Variants in KPNB1 observed in about 807,000 individuals in gnomAD.
KPNB1 encodes karyopherin subunit beta 1, also known as importin subunit beta-1.
A neutral mutation model predicts 113.0 loss-of-function variants in KPNB1; 7 were observed. The observed-to-expected ratio is 0.06, with a 90% CI of 0.04 to 0.12. The LOEUF (loss-of-function observed/expected upper bound fraction) is 0.12. Among genes scored for constraint, KPNB1 ranks in the 10% least tolerant of loss-of-function variants. The pLI is 1.00. For synonymous variants in KPNB1, 363 were observed against 378.6 expected, an observed-to-expected ratio of 0.96 and a Z score of 0.48; for missense variants, 400 against 1,054.8, an observed-to-expected ratio of 0.38 and a Z score of 8.60.
At chr17:47,671,867 A>C (rs531189804) in intron 12 of KPNB1, 1 of 152,234 alleles carries the variant, frequency 6.6e-6, no homozygotes, top group African/African-American at 2.4e-5. Flanking sequence ...CTTGGGGTAA[A>C]TACAGTTGAC....
chr17:47,652,214 G>T (rs1231735016), intron 2 of KPNB1, among the ~76,000 whole-genome samples: 1 of 152,122 alleles, frequency 6.6e-6, no homozygotes. Flanking sequence ...TGGAAAGTTG[G>T]ATCATTCTTT....
In KPNB1 at chr17:47,683,126, CACAG is replaced by C. The variant is rs1477506052; in HGVS notation, c.*724_*727del. ...AAAAAAAAAAAAAAAAAAACACACA[CACAG>C]AGGAAAGACGCTCTTTAGGTTTTGT... On this transcript the variant is annotated 3_prime_UTR_variant, in exon 22 of 22. Coordinates refer to ENST00000290158, the MANE Select transcript of KPNB1 (RefSeq NM_002265.6). 1 of 107,962 alleles carries C rather than the reference CACAG, an allele frequency of 9.3e-6. No individual in the cohort carries two copies. Among genetic ancestry groups the C allele is most frequent in the Non-Finnish European group, 1.9e-5 (1 of 52,482 alleles). The allele number at this position is 107,962 out of a possible 1,614,324, so 6.7% of individuals were successfully genotyped here.
intron 9 of KPNB1, among the ~76,000 whole-genome samples, chr17:47,667,724 A>C (rs896852842): frequency 2.7e-5 from 4 of 150,434 alleles, no homozygotes; most frequent in African/African-American, 9.8e-5. Context: ...CACCCAGCTA[A>C]TTTTTGTATT....
At chr17:47,657,936 G>A (rs2029957774) in intron 4 of KPNB1, among the ~76,000 whole-genome samples, 1 of 152,180 alleles carries the variant, frequency 6.6e-6, no homozygotes, top group Non-Finnish European at 1.5e-5. Flanking sequence ...TGCCAATTAA[G>A]CCAGGCACAG....
chr17:47,651,531 C>T (rs1425939217), intron 2 of KPNB1, among the ~76,000 whole-genome samples: 3 of 152,200 alleles, frequency 2.0e-5, no homozygotes, highest in Admixed American at 6.5e-5. Context: ...ATTTTTACAA[C>T]TAACCTGTTT....
Position 47,683,108 on chromosome 17 carries a change from A to AAAAAAAAAC in KPNB1, c.*712_*713insCAAAAAAAA, listed in dbSNP as rs2030837231. 6.8e-6 allele frequency: 1 copy of AAAAAAAAAC among 147,584 alleles called. No individual in the cohort carries two copies. The allele number at this position is 147,584 out of a possible 1,614,324, so 9.1% of individuals were successfully genotyped here. ...AGAGATGTAAAAAAAAAAAAAAAAA[A>AAAAAAAAAC]AAAAAAAAAAACACACACACAGAGG... On this transcript the variant is annotated 3_prime_UTR_variant, in exon 22 of 22. Transcript: ENST00000290158.
intron 6 of KPNB1, chr17:47,662,112 A>G (rs2030119433): frequency 1.3e-5 from 2 of 152,190 alleles, no homozygotes; most frequent in South Asian, 4.1e-4. Flanking sequence ...TTTAATGCAA[A>G]AAAAAAGACT....
chr17:47,659,147 G>T (rs2030007975), intron 5 of KPNB1, among the ~76,000 whole-genome samples: 2 of 152,074 alleles, frequency 1.3e-5, no homozygotes, highest in Admixed American at 1.3e-4. Flanking sequence ...AGGAGTTTGA[G>T]ACCAGCCTGA....
At chr17:47,673,658 T>C in intron 14 of KPNB1, 97 bp downstream of exon 14, 4 of 922,970 alleles carry the variant, frequency 4.3e-6, no homozygotes, top group Non-Finnish European at 7.1e-6. Flanking sequence ...GAAAATGGTA[T>C]AGATGATGCG....
rs768003079 is a variant in KPNB1 at position 47,676,452 on chromosome 17, C to G, written c.1956C>G (p.Pro652=). 1 of 1,613,544 alleles carries G rather than the reference C, an allele frequency of 6.2e-7. No homozygotes were observed. The highest frequency in any genetic ancestry group is 8.5e-7 in the Non-Finnish European group (1 of 1,179,626). ...TCAAGTACATGGAGGCCTTTAAACC[C>G]TTCCTGGGCATTGGATTAAAAAATT... ...EFLKYMEAFK[P]FLGIGLKNYA... Residue 652 remains proline, a synonymous_variant, in exon 16 of 22, where the codon CCC becomes CCG. Coordinates refer to ENST00000290158, the MANE Select transcript of KPNB1 (RefSeq NM_002265.6).
In KPNB1 at chr17:47,668,249, C is replaced by G; in HGVS notation, c.1063C>G (p.Leu355Val). 1 of 1,614,156 alleles carries G rather than the reference C, an allele frequency of 6.2e-7. No individual in the cohort carries two copies. The highest frequency in any genetic ancestry group is 8.5e-7 in the Non-Finnish European group (1 of 1,180,034). Residue 355 changes from leucine to valine, a missense_variant, in exon 10 of 22, where the codon CTG becomes GTG. Around this residue, in one of 2 missense-constraint regions of KPNB1, gnomAD observed 285 missense variants for 627.0 expected, o/e 0.45. Transcript: ENST00000290158. ...AGCAGCAGGGGTGTGCCTCATGCTT[C>G]TGGCCACCTGCTGTGAAGATGACAT... The part of the protein sequence containing the change: ...CKAAGVCLML[L>V]ATCCEDDIVP...
Position 47,669,684 on chromosome 17 carries a change from C to T in KPNB1, c.1231C>T (p.Pro411Ser), listed in dbSNP as rs1937893310. ...ATAACTGTTATATTTTCAGGCTATG[C>T]CCACCCTAATAGAATTAATGAAAGA... ...QLKPLVIQAMPTLIELMKDPS... is the reference protein window; with the variant it reads ...QLKPLVIQAMSTLIELMKDPS... Residue 411 changes from proline to serine, a missense_variant, in exon 11 of 22, where the codon CCC becomes TCC. Physicochemically the swap from Pro to Ser is moderately conservative, Grantham distance 74. This residue lies in a region of KPNB1 where 285 missense variants were observed against 627.0 expected (regional missense o/e 0.45). Transcript: ENST00000290158. The T allele has an allele frequency of 3.1e-6, 5 of 1,590,050 alleles. No homozygotes were observed. The highest frequency in any genetic ancestry group is 1.3e-5 in the African/African-American group (1 of 74,532).
Position 47,674,720 on chromosome 17 carries a change from G to A in KPNB1, c.1850G>A (p.Ser617Asn). The change falls in exon 15 of 22, where the codon AGC becomes AAC. Residue 617 changes from serine (S) to asparagine (N), a missense_variant. Ser to Asn is a conservative substitution (Grantham distance 46). This residue lies in a region of KPNB1 where 115 missense variants were observed against 427.9 expected (regional missense o/e 0.27). Coordinates refer to ENST00000290158, the MANE Select transcript of KPNB1 (RefSeq NM_002265.6). ...GCCTCCCTGTTAAGGATGTTCCAAA[G>A]CACAGCTGGGTCTGGGGGAGTACAA... is the stretch of plus-strand genomic sequence containing the variant. Reference protein sequence around the residue: ...VMASLLRMFQSTAGSGGVQED... With the variant: ...VMASLLRMFQNTAGSGGVQED... 1.2e-6 allele frequency: 2 copies of A among 1,614,224 alleles called. No homozygotes were observed.
intron 2 of KPNB1, among the ~76,000 whole-genome samples, chr17:47,652,385 C>T (rs1413350726): frequency 2.6e-5 from 4 of 152,134 alleles, no homozygotes; most frequent in African/African-American, 9.7e-5. Flanking sequence ...ACTCTGAAAC[C>T]TTGCAATTCG....
intron 3 of KPNB1, among the ~76,000 whole-genome samples, chr17:47,654,470 C>T (rs1015525389): frequency 2.0e-5 from 3 of 151,382 alleles, no homozygotes; most frequent in Non-Finnish European, 4.4e-5. Flanking sequence ...GTTAAGCCCT[C>T]GGGCATGAGA....
chr17:47,672,571 A>G (rs1330067985), intron 12 of KPNB1, among the ~76,000 whole-genome samples: 1 of 151,938 alleles, frequency 6.6e-6, no homozygotes, highest in Non-Finnish European at 1.5e-5. Flanking sequence ...TTATATTTTT[A>G]GTAGAGGTGG....
intron 14 of KPNB1, among the ~76,000 whole-genome samples, chr17:47,674,253 CTT>C (rs1191643278): frequency 6.6e-6 from 1 of 152,094 alleles, no homozygotes; most frequent in African/African-American, 2.4e-5. Context: ...GGAAGGGTTG[CTT>C]TTTGTTTGTT....
chr17:47,679,931 T>G, intron 19 of KPNB1, 89 bp from the exon 20 acceptor site: 1 of 772,872 alleles, frequency 1.3e-6, no homozygotes, highest in Non-Finnish European at 2.3e-6. Context: ...TCTTCTGACC[T>G]TGTGATCCAC....
intron 21 of KPNB1, among the ~76,000 whole-genome samples, chr17:47,681,694 T>G (rs909194543): frequency 6.2e-5 from 9 of 144,146 alleles, no homozygotes; most frequent in Middle Eastern, 3.2e-3. Flanking sequence ...AGGTTTTTTT[T>G]TTTTTTTTTT....
Sources: allele counts gnomAD v4.1 joint callset (sites outside exome capture counted in the v4.1 genomes callset), GRCh38; gene constraint gnomAD v4.1.1; regional missense constraint gnomAD v4.1.1; transcripts MANE v1.5; gene names NCBI Gene and HGNC (gene_info 2026-07-23, HGNC 2026-07-21).